The following CACHD1 variants were observed in gnomAD, a reference collection of about 807,000 sequenced individuals.
The protein encoded by CACHD1 is VWFA and cache domain-containing protein 1.
Under a neutral mutation model 138.7 loss-of-function variants are expected in CACHD1, and 71 were observed. That is an observed-to-expected ratio of 0.51 (90% confidence interval 0.42 to 0.62). The LOEUF (loss-of-function observed/expected upper bound fraction) is 0.62. Among genes scored for constraint, CACHD1 ranks in the 20% least tolerant of loss-of-function variants. The pLI is 0.00. For synonymous variants in CACHD1, 578 were observed against 591.5 expected, an observed-to-expected ratio of 0.98 and a Z score of 0.33; for missense variants, 1,389 against 1,625.3, an observed-to-expected ratio of 0.85 and a Z score of 2.50.
rs148608189 is a variant in CACHD1, at chr1:64,682,372, A to C, written c.3586+266A>C. 1.0e-3 allele frequency among the ~76,000 whole-genome samples: 153 copies of C among 152,150 alleles called. 2 individuals are homozygous for C. The highest frequency in any genetic ancestry group is 8.7e-3 in the Admixed American group (133 of 15,290). On this transcript the variant is annotated intron_variant, in intron 26 of 26. Transcript: ENST00000651257. ...CCACTTGCTTTTCCATAAAATCAGCATCCTCTTAGGTCCCGCTCTCCAGTG... is the reference window on the plus strand; with the variant it reads ...CCACTTGCTTTTCCATAAAATCAGCCTCCTCTTAGGTCCCGCTCTCCAGTG...
chr1:64,599,634 C>T (rs1647194198), intron 3 of CACHD1, among the ~76,000 whole-genome samples: 1 of 152,152 alleles, frequency 6.6e-6, no homozygotes, highest in South Asian at 2.1e-4. Context: ...AAATGTTTAT[C>T]AAGCACCTAC....
chr1:64,601,751 A>G (rs931504837), intron 3 of CACHD1, among the ~76,000 whole-genome samples: 1 of 152,216 alleles, frequency 6.6e-6, no homozygotes, highest in Non-Finnish European at 1.5e-5. Context: ...TATTTCTCCT[A>G]GCTTTATAGC....
rs115973437 is a variant in CACHD1 at position 64,473,321 on chromosome 1, G to A, written c.198+2379G>A. Among the ~76,000 whole-genome samples, 195 of 150,906 alleles carry A rather than the reference G, an allele frequency of 1.3e-3. 1 individual carries two copies. The highest frequency in any genetic ancestry group is 4.5e-3 in the African/African-American group (185 of 40,808). ...TCTTTTTAATTTAGTTAGACTGGTC[G>A]GAAAAAAAAAAGTCGAATGCAGGTT... On this transcript the variant is annotated intron_variant, in intron 1 of 26. Coordinates refer to ENST00000651257, the MANE Select transcript of CACHD1 (RefSeq NM_020925.4).
chr1:64,513,006 T>G (rs1233199270), intron 1 of CACHD1, among the ~76,000 whole-genome samples: 1 of 152,252 alleles, frequency 6.6e-6, no homozygotes, highest in East Asian at 1.9e-4. Flanking sequence ...CCATTTCTAT[T>G]GTCACATTCT....
chr1:64,493,179 G>A lies in CACHD1; in HGVS notation c.198+22237G>A, dbSNP rs192385150. Among the ~76,000 whole-genome samples the A allele has an allele frequency of 1.1e-3, 161 of 152,318 alleles. 1 individual carries two copies. Among genetic ancestry groups the A allele is most frequent in the African/African-American group, 3.8e-3 (159 of 41,566 alleles). On this transcript the variant is annotated intron_variant, in intron 1 of 26. Transcript: ENST00000651257. ...GCATATCTTATAAATGTTTGGAAAT[G>A]CTTTTTGAGTGAAAGATTTTTTATT... is the stretch of plus-strand genomic sequence containing the variant.
chr1:64,654,851 G>T, intron 12 of CACHD1, 48 bp downstream of exon 12: 1 of 1,378,240 alleles, frequency 7.3e-7, no homozygotes. Flanking sequence ...AGGGTACAGT[G>T]CTCTTCTTCA....
chr1:64,510,612 C>T (rs1020983816), intron 1 of CACHD1, among the ~76,000 whole-genome samples: 3 of 152,152 alleles, frequency 2.0e-5, no homozygotes, highest in African/African-American at 7.2e-5. Flanking sequence ...TGTTGTGTTT[C>T]TAGTGTCTTT....
chr1:64,474,948 C>A (rs1184381965), intron 1 of CACHD1, among the ~76,000 whole-genome samples: 1 of 152,166 alleles, frequency 6.6e-6, no homozygotes, highest in Non-Finnish European at 1.5e-5. Flanking sequence ...AGCAGGGTTT[C>A]TTCCAGTCAG....
At chr1:64,604,375 C>T (rs1454335736) in intron 4 of CACHD1, among the ~76,000 whole-genome samples, 2 of 152,056 alleles carry the variant, frequency 1.3e-5, no homozygotes, top group Non-Finnish European at 2.9e-5. Context: ...ACAAAAATAA[C>T]AAAAGAGGGT....
rs1014812081 is a variant in CACHD1 at position 64,473,358 on chromosome 1, C to T, written c.198+2416C>T. On this transcript the variant is annotated intron_variant, in intron 1 of 26. Transcript: ENST00000651257. Reference sequence around the variant, plus strand: ...GTCGAATGCAGGTTAGATTTTTGGCCTTAGAACAAAGATTTTGAGCCCCAC... The same window carrying T: ...GTCGAATGCAGGTTAGATTTTTGGCTTTAGAACAAAGATTTTGAGCCCCAC... Among the ~76,000 whole-genome samples the T allele has an allele frequency of 4.0e-5, 6 of 151,828 alleles. No individual in the cohort carries two copies. The East Asian group carries it at 5.8e-4, about 15-fold the overall frequency.
At chr1:64,543,064 CA>C (rs1570350673) in intron 1 of CACHD1, among the ~76,000 whole-genome samples, 1 of 151,818 alleles carries the variant, frequency 6.6e-6, no homozygotes, top group Admixed American at 6.6e-5. Flanking sequence ...CACATATTAA[CA>C]ATAAATTTTT....
intron 1 of CACHD1, among the ~76,000 whole-genome samples, chr1:64,479,453 T>A (rs920241074): frequency 1.3e-5 from 2 of 152,078 alleles, no homozygotes; most frequent in Non-Finnish European, 2.9e-5. Context: ...CCCAGAAGGC[T>A]CCTTTTTGAG....
intron 7 of CACHD1, among the ~76,000 whole-genome samples, chr1:64,636,395 A>G (rs1001531487): frequency 6.6e-6 from 1 of 152,156 alleles, no homozygotes; most frequent in African/African-American, 2.4e-5. Context: ...TTGTTATCTC[A>G]CAGTTTTTGT....
At chr1:64,612,984 T>C (rs1228222756) in intron 4 of CACHD1, among the ~76,000 whole-genome samples, 1 of 152,174 alleles carries the variant, frequency 6.6e-6, no homozygotes, top group Non-Finnish European at 1.5e-5. Flanking sequence ...ATTAAGAACA[T>C]TTGGGATTCA....
At chr1:64,648,575 T>C (rs1354759628) in intron 9 of CACHD1, among the ~76,000 whole-genome samples, 1 of 152,222 alleles carries the variant, frequency 6.6e-6, no homozygotes, top group Non-Finnish European at 1.5e-5. Flanking sequence ...TACCTAGATA[T>C]TATAAAATCT....
intron 1 of CACHD1, among the ~76,000 whole-genome samples, chr1:64,544,024 T>C (rs1303499732): frequency 6.6e-6 from 1 of 152,120 alleles, no homozygotes; most frequent in Non-Finnish European, 1.5e-5. Context: ...GACAGCATTT[T>C]GTCTTTTAGG....
rs772546441 is a variant in CACHD1, at chr1:64,629,467, C to T, written c.630C>T (p.Tyr210=). ...PAHKFRCKGS[Y]EHRSRPIYVS... ...ACAAGTTCCGGTGTAAGGGCAGCTA[C>T]GAACACCGCAGTAGGTATGTTGACT... The change falls in exon 5 of 27, where the codon TAC becomes TAT. Residue 210 remains tyrosine, a synonymous_variant. Transcript: ENST00000651257. 9.9e-6 allele frequency: 16 copies of T among 1,613,846 alleles called. No individual in the cohort carries two copies. The highest frequency in any genetic ancestry group is 1.1e-5 in the Non-Finnish European group (13 of 1,179,932).
chr1:64,486,003 G>A (rs1250239751), intron 1 of CACHD1, among the ~76,000 whole-genome samples: 1 of 152,146 alleles, frequency 6.6e-6, no homozygotes, highest in Non-Finnish European at 1.5e-5. Context: ...AGTCCTGGTT[G>A]CTCCACAGCC....
At chr1:64,557,121 GA>G (rs11333415) in intron 2 of CACHD1, among the ~76,000 whole-genome samples, 108,411 of 140,738 alleles carry the variant, frequency 0.77, 43,326 homozygotes, top group Non-Finnish European at 0.88. Context: ...ACTCCATCTC[GA>G]AAAAAAAAAA....
Sources: allele counts gnomAD v4.1 joint callset (sites outside exome capture counted in the v4.1 genomes callset), GRCh38; gene constraint gnomAD v4.1.1; transcripts MANE v1.5; gene names NCBI Gene and HGNC (gene_info 2026-07-23, HGNC 2026-07-21).